Variants in CDYL2 observed in about 807,000 individuals in gnomAD.
CDYL2 encodes chromodomain Y-like protein 2.
A neutral mutation model predicts 49.4 loss-of-function variants in CDYL2; 23 were observed. The ratio of observed to expected loss-of-function variants is 0.47; its 90% CI spans 0.34 to 0.66. The LOEUF (loss-of-function observed/expected upper bound fraction) is 0.66. Ranked by LOEUF, CDYL2 falls within the 30% of genes least tolerant of loss-of-function variation. The probability of loss-of-function intolerance (pLI) is 0.01; values close to 1 mark genes in which losing one functional copy is unlikely to be tolerated. For synonymous variants in CDYL2, 360 were observed against 268.8 expected (o/e 1.34, Z -3.32); for missense variants, 678 against 656.4 (o/e 1.03, Z -0.36).
chr16:80,724,324 G>C (rs1211989829), intron 1 of CDYL2, among the ~76,000 whole-genome samples: 1 of 151,452 alleles, frequency 6.6e-6, no homozygotes, highest in African/African-American at 2.4e-5. Flanking sequence ...GATGGGAAGA[G>C]GAAGAGGAGG....
intron 1 of CDYL2, among the ~76,000 whole-genome samples, chr16:80,771,979 G>T (rs924306852): frequency 2.6e-5 from 4 of 152,126 alleles, no homozygotes; most frequent in Non-Finnish European, 5.9e-5. Flanking sequence ...GGAGAATAAG[G>T]AGAAAGAGGA....
chr16:80,779,606 C>A lies in CDYL2; in HGVS notation c.24+24544G>T, dbSNP rs189286996. On this transcript the variant is annotated intron_variant, in intron 1 of 6. Coordinates refer to ENST00000570137, the MANE Select transcript of CDYL2 (RefSeq NM_152342.4). ...AAAATACTGAAAATTTCAAAAAAAACCAAGTATAAAATCTAATATACTAAA... is the reference window on the plus strand; with the variant it reads ...AAAATACTGAAAATTTCAAAAAAAAACAAGTATAAAATCTAATATACTAAA... Among the ~76,000 whole-genome samples the A allele has an allele frequency of 7.5e-3, 1,135 of 151,808 alleles. 12 individuals carry two copies. Among genetic ancestry groups the A allele is most frequent in the Middle Eastern group, 0.017 (5 of 294 alleles).
intron 2 of CDYL2, chr16:80,639,704 G>A (rs1410568491): frequency 2.2e-6 from 1 of 455,890 alleles, no homozygotes; most frequent in East Asian, 6.9e-5. Flanking sequence ...GCTGAAAGAA[G>A]CACCGAAGAG....
chr16:80,702,270 T>A (rs759182651), intron 1 of CDYL2, among the ~76,000 whole-genome samples: 1 of 151,910 alleles, frequency 6.6e-6, no homozygotes, highest in Non-Finnish European at 1.5e-5. Context: ...GCCATCTCAT[T>A]TTTCATTGAA....
At chr16:80,731,197 T>TA (rs1905314776) in intron 1 of CDYL2, among the ~76,000 whole-genome samples, 1 of 151,206 alleles carries the variant, frequency 6.6e-6, no homozygotes, top group Non-Finnish European at 1.5e-5. Context: ...CAGGATGAAA[T>TA]AAAAAAGGAA....
At chr16:80,717,025 G>C (rs1015802590) in intron 1 of CDYL2, among the ~76,000 whole-genome samples, 1 of 151,964 alleles carries the variant, frequency 6.6e-6, no homozygotes, top group Non-Finnish European at 1.5e-5. Flanking sequence ...TGGATGGATG[G>C]ATGGATGGAT....
At chr16:80,635,798 A>G (rs1192942160) in intron 2 of CDYL2, among the ~76,000 whole-genome samples, 1 of 152,212 alleles carries the variant, frequency 6.6e-6, no homozygotes, top group Non-Finnish European at 1.5e-5. Flanking sequence ...GCATCATGCT[A>G]CCTGACTTCA....
intron 1 of CDYL2, among the ~76,000 whole-genome samples, chr16:80,739,007 T>A (rs987570136): frequency 6.6e-6 from 1 of 152,078 alleles, no homozygotes; most frequent in African/African-American, 2.4e-5. Context: ...AGCAACCCGA[T>A]TTTCCATCAA....
rs577209748 is a variant in CDYL2 at position 80,660,986 on chromosome 16, G to A, written c.616+23552C>T. Among the ~76,000 whole-genome samples the A allele has an allele frequency of 2.0e-5, 3 of 152,300 alleles. No homozygotes were observed. In the South Asian group the frequency reaches 6.2e-4, roughly 32 times the overall value. ...GCTGTCTGAGAGGGCAGGAAGTGGA[G>A]GGCTGGGGTTGGGGTGAGGCCACAG... On this transcript the variant is annotated intron_variant, in intron 2 of 6. Coordinates refer to ENST00000570137, the MANE Select transcript of CDYL2 (RefSeq NM_152342.4).
rs60399715 is a variant in CDYL2 at position 80,712,191 on chromosome 16, G to GTATATATATATA, written c.25-27074_25-27063dup. ...TATATGTGTCTTTGTGTCTGTGTGT[G>GTATATATATATA]TATATATATATATATATATATATAT... On this transcript the variant is annotated intron_variant, in intron 1 of 6. Coordinates refer to ENST00000570137, the MANE Select transcript of CDYL2 (RefSeq NM_152342.4). Among the ~76,000 whole-genome samples, 116 of 107,924 alleles carry GTATATATATATA rather than the reference G, an allele frequency of 1.1e-3. 1 individual carries two copies. Among genetic ancestry groups the GTATATATATATA allele is most frequent in the Non-Finnish European group, 1.9e-3 (87 of 46,998 alleles). 70.8% of individuals were successfully genotyped at this position (107,924 alleles called of 152,430 possible).
chr16:80,751,581 A>G (rs957774407), intron 1 of CDYL2, among the ~76,000 whole-genome samples: 1 of 152,234 alleles, frequency 6.6e-6, no homozygotes, highest in Non-Finnish European at 1.5e-5. Flanking sequence ...CAGAAGAGAA[A>G]CAGAGAACTA....
intron 2 of CDYL2, among the ~76,000 whole-genome samples, chr16:80,675,236 C>G (rs949354057): frequency 1.3e-5 from 2 of 152,220 alleles, no homozygotes; most frequent in African/African-American, 2.4e-5. Context: ...AGACCCCCAA[C>G]AGCTTCAGCA....
At chr16:80,772,701 T>G (rs1308278027) in intron 1 of CDYL2, among the ~76,000 whole-genome samples, 1 of 152,148 alleles carries the variant, frequency 6.6e-6, no homozygotes, top group Admixed American at 6.5e-5. Flanking sequence ...TCCACCCACC[T>G]CGGCCTCCCA....
intron 2 of CDYL2, among the ~76,000 whole-genome samples, chr16:80,671,967 G>A (rs930876366): frequency 3.3e-5 from 5 of 152,154 alleles, no homozygotes; most frequent in Non-Finnish European, 7.3e-5. Context: ...TGCACAGGTT[G>A]GGTATACCTT....
At chr16:80,801,008 A>G (rs940876800) in intron 1 of CDYL2, among the ~76,000 whole-genome samples, 1 of 152,206 alleles carries the variant, frequency 6.6e-6, no homozygotes, top group Admixed American at 6.5e-5. Context: ...GCTCCATCTA[A>G]AAGTGTTCAA....
At chr16:80,687,152 A>C (rs945025846) in intron 1 of CDYL2, among the ~76,000 whole-genome samples, 2 of 152,246 alleles carry the variant, frequency 1.3e-5, no homozygotes, top group Admixed American at 6.5e-5. Flanking sequence ...GAGAGTAAGC[A>C]ATCTGACATT....
chr16:80,641,259 G>A (rs1439333295), intron 2 of CDYL2, among the ~76,000 whole-genome samples: 1 of 152,146 alleles, frequency 6.6e-6, no homozygotes, highest in Non-Finnish European at 1.5e-5. Context: ...ACATATGGCA[G>A]CAAACTTTTC....
chr16:80,612,565 A>G lies in CDYL2; in HGVS notation c.1218+61T>C. 6.6e-7 allele frequency: 1 copy of G among 1,504,768 alleles called. No individual in the cohort carries two copies. The allele number at this position is 1,504,768 out of a possible 1,614,324, so 93.2% of individuals were successfully genotyped here. A position where few individuals can be genotyped will look rare whatever the true frequency, so the allele number is the denominator to read the frequency against. The stretch of plus-strand genomic sequence containing the variant: ...GTTTCTAGCCCCATGAAGAGCCCCT[A>G]AACCCAAGGCAGAGGAAGGATCCTG... On this transcript the variant is annotated intron_variant, in intron 5 of 6. Transcript: ENST00000570137. This position sits in a 1 kb window ranked among gnomAD's most constrained non-coding sequence, Gnocchi z 5.0.
At chr16:80,792,735 G>A (rs1319834837) in intron 1 of CDYL2, among the ~76,000 whole-genome samples, 1 of 151,984 alleles carries the variant, frequency 6.6e-6, no homozygotes, top group African/African-American at 2.4e-5. Context: ...TCCTTTTCAG[G>A]GTCGATGTGC....
Sources: gnomAD v4.1 joint callset for allele counts (sites outside exome capture counted in the v4.1 genomes callset) on GRCh38, gnomAD v4.1.1 for gene constraint, Gnocchi (gnomAD v3.1) non-coding constraint, MANE v1.5 for transcripts, NCBI Gene and HGNC (gene_info 2026-07-23, HGNC 2026-07-21) for gene names.